Variants in CCNG1 observed in about 807,000 individuals in gnomAD.
CCNG1 encodes cyclin-G1.
In CCNG1, 13 loss-of-function variants were observed where a neutral mutation model predicts 30.0. The ratio of observed to expected loss-of-function variants is 0.43; its 90% CI spans 0.28 to 0.69. The LOEUF is 0.69. Among genes scored for constraint, CCNG1 ranks in the 30% least tolerant of loss-of-function variants. The pLI, the probability that CCNG1 is intolerant of heterozygous loss-of-function variation, is 0.16. For missense variants in CCNG1, 285 were observed against 331.4 expected (o/e 0.86, Z 1.09); for synonymous variants, 110 against 121.5 (o/e 0.91, Z 0.62).
chr5:163,439,162 C>A, intron 1 of CCNG1, 95 bp from the exon 2 acceptor site: 1 of 1,073,136 alleles, frequency 9.3e-7, no homozygotes, highest in Non-Finnish European at 1.4e-6. Flanking sequence ...GGATGGGAGG[C>A]TTATAAATCA....
chr5:163,443,545 A>C (rs1039513267), intron 6 of CCNG1, 129 bp from the exon 7 acceptor site: 15 of 589,538 alleles, frequency 2.5e-5, no homozygotes, highest in Non-Finnish European at 4.5e-5. Context: ...CTCAAAACTA[A>C]ATGTTAACAT....
At chr5:163,445,623 T>TTTTTTTTG (rs1319306469), downstream of CCNG1, among the ~76,000 whole-genome samples, 16 of 141,122 alleles carry the variant, frequency 1.1e-4, no homozygotes, top group Non-Finnish European at 2.2e-4. Context: ...CCAGCTAATT[T>TTTTTTTTG]TTTTTTTTTT....
chr5:163,457,154 G>C, the CCNG1 span: 1 of 851,522 alleles, frequency 1.2e-6, no homozygotes, highest in Admixed American at 3.7e-5. Context: ...TTTTTTTTTT[G>C]AGACAGTATC....
downstream of CCNG1, chr5:163,448,455 T>G (rs548220352): frequency 3.3e-5 from 5 of 152,262 alleles, no homozygotes; most frequent in Admixed American, 6.5e-5. Flanking sequence ...AACCAATTCC[T>G]TGAAAGGCAT....
At chr5:163,451,461 G>A in the CCNG1 span, 1 of 152,100 alleles carries the variant, frequency 6.6e-6, no homozygotes, top group East Asian at 1.9e-4. Flanking sequence ...TCTGACTGTG[G>A]AGGTGTTTAC....
the CCNG1 span, chr5:163,451,590 C>T: frequency 3.9e-5 from 6 of 152,144 alleles, no homozygotes; most frequent in Non-Finnish European, 8.8e-5. Context: ...CCTCTTCCCC[C>T]GACAATTCAT....
chr5:163,457,151 T>C, the CCNG1 span: 3 of 1,472,288 alleles, frequency 2.0e-6, no homozygotes, highest in African/African-American at 2.9e-5. Context: ...TTTTTTTTTT[T>C]TTGAGACAGT....
At chr5:163,454,030 A>T in the CCNG1 span, 1 of 1,555,058 alleles carries the variant, frequency 6.4e-7, no homozygotes, top group Non-Finnish European at 8.7e-7. Flanking sequence ...TTTCTGCTCC[A>T]CTGAAGTCAA....
chr5:163,457,081 C>CT, the CCNG1 span: 2 of 1,586,988 alleles, frequency 1.3e-6, no homozygotes, highest in African/African-American at 2.8e-5. Context: ...TTTCTGTCCT[C>CT]TAAAAAAAAA....
In CCNG1 at chr5:163,443,739, A is replaced by T. The variant is rs1319123414; in HGVS notation, c.*69A>T. 1.3e-6 allele frequency: 2 copies of T among 1,519,514 alleles called. No individual in the cohort carries two copies. The highest frequency in any genetic ancestry group is 2.8e-5 in the African/African-American group (2 of 72,598). 94.1% of individuals were successfully genotyped at this position (1,519,514 alleles called of 1,614,324 possible). On this transcript the variant is annotated 3_prime_UTR_variant, in exon 7 of 7. Coordinates refer to ENST00000340828, the MANE Select transcript of CCNG1 (RefSeq NM_004060.4). Reference sequence around the variant, plus strand: ...CACAACCTTGTTCTATGGATTCCATAATGTTACAATGGATTTAAGCTATGA... The same window carrying T: ...CACAACCTTGTTCTATGGATTCCATTATGTTACAATGGATTTAAGCTATGA...
In CCNG1 at chr5:163,439,370, G is replaced by C; in HGVS notation, c.114G>C (p.Glu38Asp). 6.2e-7 allele frequency: 1 copy of C among 1,614,212 alleles called. No homozygotes were observed. Among genetic ancestry groups the C allele is most frequent in the Middle Eastern group, 1.6e-4 (1 of 6,062 alleles). ...AGGTCTGTGGTTTGAGACTAATTGA[G>C]TCTGCACACGATAATGGCCTCAGAA... ...QPKVCGLRLI[E>D]SAHDNGLRMT... Residue 38 changes from glutamate (E) to aspartate (D), a missense_variant, in exon 2 of 7, where the codon GAG (glutamate) becomes GAC (aspartate). Physicochemically the swap from Glu to Asp is conservative, Grantham distance 45. Coordinates refer to ENST00000340828, the MANE Select transcript of CCNG1 (RefSeq NM_004060.4).
intron 2 of CCNG1, among the ~76,000 whole-genome samples, chr5:163,439,876 T>C (rs2069346): frequency 2.3e-4 from 35 of 152,132 alleles, no homozygotes; most frequent in African/African-American, 8.2e-4. Context: ...AGAGGCTACA[T>C]TGTGGCTAAG....
Position 163,442,118 on chromosome 5 carries a change from T to A in CCNG1, c.671T>A (p.Ile224Lys). 6.2e-7 allele frequency: 1 copy of A among 1,609,776 alleles called. No homozygotes were observed. Residue 224 changes from isoleucine to lysine, a missense_variant, in exon 5 of 7, where the codon ATA (isoleucine) becomes AAA (lysine). Physicochemically the swap from Ile to Lys is moderately radical, Grantham distance 102 (BLOSUM62 -3). Coordinates refer to ENST00000340828, the MANE Select transcript of CCNG1 (RefSeq NM_004060.4). ...AQKCVELTEG[I>K]ECLQKHSKIN... ...AAGTGTGTAGAGTTAACAGAAGGAATAGAATGTCTTCAGAAACATTCCAAG... is the reference window on the plus strand; with the variant it reads ...AAGTGTGTAGAGTTAACAGAAGGAAAAGAATGTCTTCAGAAACATTCCAAG...
chr5:163,453,928 A>G, the CCNG1 span: 5 of 1,173,286 alleles, frequency 4.3e-6, no homozygotes, highest in African/African-American at 1.6e-5. Context: ...TAAGTTGGCA[A>G]TATCTGCTAG....
At chr5:163,457,218 G>C in the CCNG1 span, 3 of 859,282 alleles carry the variant, frequency 3.5e-6, no homozygotes, top group Non-Finnish European at 5.0e-6. Flanking sequence ...TGAAACCTCC[G>C]CCCCCCGGGT....
Position 163,439,361 on chromosome 5 carries a change from A to G in CCNG1, c.105A>G (p.Arg35=), listed in dbSNP as rs1757687317. The G allele has an allele frequency of 1.2e-6, 2 of 1,614,104 alleles. No individual in the cohort carries two copies. The highest frequency in any genetic ancestry group is 1.7e-5 in the Admixed American group (1 of 60,008). ...GTCAGCCAAAGGTCTGTGGTTTGAGACTAATTGAGTCTGCACACGATAATG... is the reference window on the plus strand; with the variant it reads ...GTCAGCCAAAGGTCTGTGGTTTGAGGCTAATTGAGTCTGCACACGATAATG... ...SRCQPKVCGL[R]LIESAHDNGL... is the part of the protein sequence containing the mutation. Residue 35 remains arginine (R), a synonymous_variant, in exon 2 of 7, where the codon AGA becomes AGG. Transcript: ENST00000340828.
chr5:163,438,800 G>C (rs1220387997), intron 1 of CCNG1, among the ~76,000 whole-genome samples: 1 of 152,140 alleles, frequency 6.6e-6, no homozygotes, highest in Non-Finnish European at 1.5e-5. Context: ...GGCCGAGGCG[G>C]GCAGATCACA....
the CCNG1 span, among the ~76,000 whole-genome samples, chr5:163,454,371 C>T: frequency 9.2e-5 from 14 of 152,166 alleles, no homozygotes; most frequent in Non-Finnish European, 2.1e-4. Context: ...GACGGAGTTT[C>T]GCTCTTGTTG....
chr5:163,449,129 G>A (rs948656374), downstream of CCNG1: 2 of 151,786 alleles, frequency 1.3e-5, no homozygotes, highest in Admixed American at 1.3e-4. Flanking sequence ...AAATAAAACT[G>A]TTCCTATTCG....
Sources: gnomAD v4.1 joint callset for allele counts (sites outside exome capture counted in the v4.1 genomes callset) on GRCh38, gnomAD v4.1.1 for gene constraint, MANE v1.5 for transcripts, NCBI Gene and HGNC (gene_info 2026-07-23, HGNC 2026-07-21) for gene names.